The following MEI4 variants were observed in gnomAD, a reference collection of about 807,000 sequenced individuals.
MEI4 encodes the protein meiotic double-stranded break formation protein 4, also known as meiosis-specific protein MEI4.
In MEI4, 27 loss-of-function variants were observed where a neutral mutation model predicts 31.4. The ratio of observed to expected loss-of-function variants is 0.86; its 90% CI spans 0.63 to 1.19. The LOEUF (loss-of-function observed/expected upper bound fraction) is 1.19, where lower values mean the gene tolerates loss of function less well. MEI4 is among the 50% of genes most tolerant of loss of function. The pLI, the probability that MEI4 is intolerant of heterozygous loss-of-function variation, is 0.00. For synonymous variants in MEI4, 122 were observed against 145.4 expected, an observed-to-expected ratio of 0.84 and a Z score of 1.16; for missense variants, 329 against 398.9, an observed-to-expected ratio of 0.82 and a Z score of 1.49.
At chr6:77,734,731 G>T (rs1582076363) in intron 2 of MEI4, among the ~76,000 whole-genome samples, 2 of 151,838 alleles carry the variant, frequency 1.3e-5, no homozygotes, top group Non-Finnish European at 2.9e-5. Context: ...TCCTAGTCTC[G>T]ATGGTCTTTA....
intron 2 of MEI4, among the ~76,000 whole-genome samples, chr6:77,759,843 T>C (rs1002385231): frequency 2.0e-5 from 3 of 152,154 alleles, no homozygotes; most frequent in African/African-American, 7.2e-5. Context: ...CTATAGCCAA[T>C]AGAATGATGA....
intron 4 of MEI4, among the ~76,000 whole-genome samples, chr6:77,864,212 T>A (rs562638540): frequency 1.3e-5 from 2 of 152,200 alleles, no homozygotes; most frequent in South Asian, 2.1e-4. Flanking sequence ...AATGGCAGGA[T>A]CAAATTCACA....
At chr6:77,866,271 GAAAAGAGGAAGTCAA>G (rs1771025187) in intron 4 of MEI4, among the ~76,000 whole-genome samples, 1 of 152,036 alleles carries the variant, frequency 6.6e-6, no homozygotes, top group Admixed American at 6.6e-5. Flanking sequence ...ATTCAATTAG[GAAAAGAGGAAGTCAA>G]ATTGTCCCTG....
intron 4 of MEI4, among the ~76,000 whole-genome samples, chr6:77,855,791 T>G (rs1770732927): frequency 6.6e-6 from 1 of 152,204 alleles, no homozygotes; most frequent in Non-Finnish European, 1.5e-5. Flanking sequence ...ATTTAAAATA[T>G]GTACTATGCA....
intron 3 of MEI4, among the ~76,000 whole-genome samples, chr6:77,802,023 C>G (rs1294818882): frequency 6.6e-6 from 1 of 152,012 alleles, no homozygotes; most frequent in African/African-American, 2.4e-5. Context: ...CCTGGATATC[C>G]TTGTTAACTT....
intron 4 of MEI4, among the ~76,000 whole-genome samples, chr6:77,917,598 G>T: frequency 1.6e-5 from 1 of 63,658 alleles, no homozygotes; most frequent in Non-Finnish European, 2.8e-5. Flanking sequence ...CATGTCCTTT[G>T]CCCACTTTTT....
Position 77,843,534 on chromosome 6 carries a change from TAA to T in MEI4, c.900+14484_900+14485del, listed in dbSNP as rs35866687. Among the ~76,000 whole-genome samples, 57 of 144,360 alleles carry T rather than the reference TAA, an allele frequency of 3.9e-4. 1 individual carries two copies. The South Asian group carries it at 0.011, about 27-fold the overall frequency. 94.7% of individuals were successfully genotyped at this position (144,360 alleles called of 152,430 possible). ...GATGTCAAAATGTAGGCAGACAAATTAAAAAAAAAAAAACTATTACAGAACAA... is the reference window on the plus strand; with the variant it reads ...GATGTCAAAATGTAGGCAGACAAATTAAAAAAAAAAACTATTACAGAACAA... On this transcript the variant is annotated intron_variant, in intron 4 of 4. Transcript: ENST00000684080.
chr6:77,851,722 T>C (rs1212601239), intron 4 of MEI4, among the ~76,000 whole-genome samples: 3 of 151,986 alleles, frequency 2.0e-5, no homozygotes, highest in Non-Finnish European at 4.4e-5. Context: ...ACATGGTACA[T>C]GTATACATAT....
intron 2 of MEI4, among the ~76,000 whole-genome samples, chr6:77,742,991 G>A (rs1332600982): frequency 1.3e-5 from 2 of 151,926 alleles, no homozygotes; most frequent in African/African-American, 4.8e-5. Flanking sequence ...TCTCTGTTTT[G>A]GTACCAGTAC....
At chr6:77,867,017 CATATGT>C (rs1388808816) in intron 4 of MEI4, among the ~76,000 whole-genome samples, 2 of 152,284 alleles carry the variant, frequency 1.3e-5, no homozygotes, top group East Asian at 3.9e-4. Context: ...ACTGGCTAGC[CATATGT>C]AGAAAGCTGA....
intron 4 of MEI4, among the ~76,000 whole-genome samples, chr6:77,861,783 A>T (rs758216618): frequency 1.3e-5 from 2 of 152,208 alleles, no homozygotes; most frequent in Non-Finnish European, 2.9e-5. Flanking sequence ...TGTGAGGATT[A>T]ATGATGTAGT....
chr6:77,897,354 G>A (rs1310069110), intron 4 of MEI4, among the ~76,000 whole-genome samples: 1 of 151,790 alleles, frequency 6.6e-6, no homozygotes, highest in African/African-American at 2.4e-5. Flanking sequence ...TACGATTCTT[G>A]TACAAACTCC....
intron 1 of MEI4, among the ~76,000 whole-genome samples, chr6:77,687,563 C>T (rs548683544): frequency 6.6e-6 from 1 of 152,186 alleles, no homozygotes; most frequent in East Asian, 1.9e-4. Context: ...GTTTAAATGC[C>T]AGTTGCAGGT....
chr6:77,789,200 A>C (rs565008734), intron 3 of MEI4, among the ~76,000 whole-genome samples: 1 of 152,234 alleles, frequency 6.6e-6, no homozygotes, highest in Non-Finnish European at 1.5e-5. Flanking sequence ...CTGACTAGCC[A>C]TATGTAGATA....
At position 77,916,100 on chromosome 6, in the gene MEI4, ATTTAAGTTCTT is replaced by A. The variant is rs565721028; in HGVS notation, c.901-6983_901-6973del. On this transcript the variant is annotated intron_variant, in intron 4 of 4. Transcript: ENST00000684080. ...ATTCAATGAATTATTCGGTTCTAAA[ATTTAAGTTCTT>A]TTTAATGCTATCTATCTCATTGATA... 3.0e-3 allele frequency among the ~76,000 whole-genome samples: 458 copies of A among 152,136 alleles called. 2 individuals carry two copies. Among genetic ancestry groups the A allele is most frequent in the Non-Finnish European group, 4.4e-3 (301 of 67,970 alleles).
rs1256189996 is a variant in MEI4 at position 77,718,585 on chromosome 6, AC to A, written c.232+27684del. Among the ~76,000 whole-genome samples, 9 of 142,268 alleles carry A rather than the reference AC, an allele frequency of 6.3e-5. No homozygotes were observed. The East Asian group carries it at 1.9e-3, about 29-fold the overall frequency. The allele number at this position is 142,268 out of a possible 152,430, so 93.3% of individuals were successfully genotyped here. ...TGAATCTTTTGGATCTATTTAAAAC[AC>A]CTTTTAATACTTCAGTCAAAATATG... is the stretch of plus-strand genomic sequence containing the variant. On this transcript the variant is annotated intron_variant, in intron 2 of 4. Coordinates refer to ENST00000684080, the MANE Select transcript of MEI4 (RefSeq NM_001322247.2).
At chr6:77,865,298 T>C (rs1341961139) in intron 4 of MEI4, among the ~76,000 whole-genome samples, 1 of 152,170 alleles carries the variant, frequency 6.6e-6, no homozygotes, top group African/African-American at 2.4e-5. Flanking sequence ...CAGGAGCTGG[T>C]TTTTTGAAAA....
intron 3 of MEI4, among the ~76,000 whole-genome samples, chr6:77,800,857 G>C (rs1382766779): frequency 6.6e-6 from 1 of 152,124 alleles, no homozygotes; most frequent in African/African-American, 2.4e-5. Context: ...TGATCATAGT[G>C]GATAAGCTTT....
At chr6:77,873,978 G>T (rs901221000) in intron 4 of MEI4, among the ~76,000 whole-genome samples, 1 of 152,142 alleles carries the variant, frequency 6.6e-6, no homozygotes, top group African/African-American at 2.4e-5. Context: ...CTGTTTTGGT[G>T]CCAGTACCAT....
Sources: gnomAD v4.1 joint callset for allele counts (sites outside exome capture counted in the v4.1 genomes callset) on GRCh38, gnomAD v4.1.1 for gene constraint, MANE v1.5 for transcripts, NCBI Gene and HGNC (gene_info 2026-07-23, HGNC 2026-07-21) for gene names.